The following NCOR1 variants were observed in gnomAD, a reference collection of about 807,000 sequenced individuals.
NCOR1 encodes the protein nuclear receptor corepressor 1, also known as protein phosphatase 1, regulatory subunit 109.
NCOR1 carries 63 observed loss-of-function variants against 288.1 expected under a neutral mutation model. The observed-to-expected ratio is 0.22, with a 90% CI of 0.18 to 0.27. NCOR1 has a LOEUF of 0.27. NCOR1 is among the 10% of genes least tolerant of loss of function. NCOR1 has a pLI of 1.00. For synonymous variants in NCOR1, 1,007 were observed against 1,065.9 expected (o/e 0.94, Z 1.08); for missense variants, 2,397 against 3,019.2 (o/e 0.79, Z 4.83).
At chr17:16,185,673 G>A (rs1313417215) in intron 3 of NCOR1, among the ~76,000 whole-genome samples, 1 of 83,768 alleles carries the variant, frequency 1.2e-5, no homozygotes, top group Admixed American at 1.9e-4. Context: ...ACAAGAGTGA[G>A]ACTCTTTCTC....
At chr17:16,112,479 T>C (rs939442916) in intron 18 of NCOR1, among the ~76,000 whole-genome samples, 1 of 152,202 alleles carries the variant, frequency 6.6e-6, no homozygotes, top group African/African-American at 2.4e-5. Flanking sequence ...TTAAAAAGTA[T>C]TAAAGGCCGC....
intron 7 of NCOR1, among the ~76,000 whole-genome samples, chr17:16,152,213 G>C (rs1355967885): frequency 1.3e-5 from 2 of 152,136 alleles, no homozygotes; most frequent in African/African-American, 4.8e-5. Flanking sequence ...GTGCAGGTTT[G>C]TTACATATGT....
At chr17:16,055,909 T>C (rs1406549977) in intron 40 of NCOR1, among the ~76,000 whole-genome samples, 4 of 152,168 alleles carry the variant, frequency 2.6e-5, no homozygotes, top group Admixed American at 6.6e-5. Context: ...AAGTCCGAGA[T>C]TTGCTTCAAA....
chr17:16,211,837 C>T (rs1240929956), intron 1 of NCOR1, among the ~76,000 whole-genome samples: 2 of 152,118 alleles, frequency 1.3e-5, no homozygotes, highest in Non-Finnish European at 2.9e-5. Flanking sequence ...GCTCCACATA[C>T]GGTTATTACT....
At chr17:16,118,691 T>C (rs2072302744) in intron 17 of NCOR1, among the ~76,000 whole-genome samples, 1 of 152,244 alleles carries the variant, frequency 6.6e-6, no homozygotes, top group African/African-American at 2.4e-5. Flanking sequence ...GTCACTCAAA[T>C]GTCAAGCTAT....
intron 1 of NCOR1, chr17:16,198,307 G>A (rs1191791534): frequency 2.1e-5 from 3 of 142,326 alleles, no homozygotes; most frequent in East Asian, 2.0e-4. Context: ...GCAGTGAGCC[G>A]AGATTGCGCC....
At chr17:16,134,430 C>CTGG (rs1491115846) in intron 14 of NCOR1, among the ~76,000 whole-genome samples, 6 of 151,970 alleles carry the variant, frequency 3.9e-5, no homozygotes, top group Non-Finnish European at 7.4e-5. Context: ...CTGAGCCTAC[C>CTGG]TGGGGGTAAG....
chr17:16,133,554 T>C (rs1044637115), intron 14 of NCOR1, among the ~76,000 whole-genome samples: 1 of 152,206 alleles, frequency 6.6e-6, no homozygotes, highest in Admixed American at 6.5e-5. Flanking sequence ...ACATAGATTT[T>C]GAAAATCTTA....
At chr17:16,113,924 C>A (rs1401117246) in intron 18 of NCOR1, among the ~76,000 whole-genome samples, 1 of 151,658 alleles carries the variant, frequency 6.6e-6, no homozygotes, top group African/African-American at 2.4e-5. Flanking sequence ...AAATCTGTAA[C>A]CTATCTTACG....
At chr17:16,105,968 C>T (rs956675731) in intron 19 of NCOR1, among the ~76,000 whole-genome samples, 1 of 152,088 alleles carries the variant, frequency 6.6e-6, no homozygotes, top group Non-Finnish European at 1.5e-5. Flanking sequence ...GGCGTGGTGG[C>T]AAGTGCCTAT....
intron 21 of NCOR1, among the ~76,000 whole-genome samples, chr17:16,095,532 G>A (rs2066355804): frequency 7.2e-6 from 1 of 139,276 alleles, no homozygotes; most frequent in South Asian, 2.4e-4. Context: ...CATCCGGGAG[G>A]GAGGTTGGGG....
Position 16,039,470 on chromosome 17 carries a change from C to G in NCOR1, c.6918G>C (p.Glu2306Asp). Residue 2306 changes from glutamate to aspartate, a missense_variant, in exon 44 of 46, where the codon GAG (glutamate) becomes GAC (aspartate). Physicochemically the swap from Glu to Asp is conservative, Grantham distance 45. Transcript: ENST00000268712. Reference protein sequence around the residue: ...TANTSVVTSGETRREEGDPSP... With the variant: ...TANTSVVTSGDTRREEGDPSP... Reference sequence around the variant, plus strand: ...ATGGGTCCCCTTCCTCTCTTCGTGTCTCACCACTGGTCACAACTGAGGTGT... The same window carrying G: ...ATGGGTCCCCTTCCTCTCTTCGTGTGTCACCACTGGTCACAACTGAGGTGT... 1.9e-6 allele frequency: 3 copies of G among 1,614,124 alleles called. No homozygotes were observed. The highest frequency in any genetic ancestry group is 1.1e-5 in the South Asian group (1 of 91,070).
At position 16,149,537 on chromosome 17, in the gene NCOR1, T is replaced by C. The variant is rs2153368722; in HGVS notation, c.843-20A>G. On this transcript the variant is annotated intron_variant, in intron 8 of 45. Coordinates refer to ENST00000268712, the MANE Select transcript of NCOR1 (RefSeq NM_006311.4). ...TGGTTTCTAGAAGAGAAAAATATGGTTGCATGACATTAAGAAAAAGCACAA... is the reference window on the plus strand; with the variant it reads ...TGGTTTCTAGAAGAGAAAAATATGGCTGCATGACATTAAGAAAAAGCACAA... 2 of 1,277,472 alleles carry C rather than the reference T, an allele frequency of 1.6e-6. No homozygotes were observed. Among genetic ancestry groups the C allele is most frequent in the African/African-American group, 1.5e-5 (1 of 65,878 alleles). The allele number at this position is 1,277,472 out of a possible 1,614,324, so 79.1% of individuals were successfully genotyped here.
At chr17:16,138,125 C>T in intron 13 of NCOR1, 33 bp downstream of exon 13, 1 of 1,578,136 alleles carries the variant, frequency 6.3e-7, no homozygotes, top group Non-Finnish European at 8.7e-7. Flanking sequence ...CATCACAAAC[C>T]TACAAACACT....
intron 15 of NCOR1, 130 bp from the exon 16 acceptor site, chr17:16,121,399 AT>A (rs1489240542): frequency 5.6e-6 from 4 of 718,588 alleles, no homozygotes; most frequent in Non-Finnish European, 8.5e-6. Context: ...AAAAAAAAAA[AT>A]TATCAACAAT....
At chr17:16,074,007 G>A (rs2062074682) in intron 27 of NCOR1, among the ~76,000 whole-genome samples, 1 of 152,180 alleles carries the variant, frequency 6.6e-6, no homozygotes, top group Non-Finnish European at 1.5e-5. Flanking sequence ...AAAGGTAATA[G>A]GAGGAAAAAG....
chr17:16,196,255 T>G (rs2089769140), intron 1 of NCOR1, among the ~76,000 whole-genome samples: 1 of 151,818 alleles, frequency 6.6e-6, no homozygotes, highest in African/African-American at 2.4e-5. Flanking sequence ...GAGGGCAAAT[T>G]CGAAAAATAA....
intron 35 of NCOR1, 27 bp downstream of exon 35, chr17:16,064,041 A>G (rs369723390): frequency 8.1e-5 from 131 of 1,612,606 alleles, no homozygotes; most frequent in Non-Finnish European, 1.1e-4. Flanking sequence ...GTGTCCAGAG[A>G]ATGGAAGAGC....
At chr17:16,108,571 C>A (rs185223923) in intron 19 of NCOR1, among the ~76,000 whole-genome samples, 4 of 152,292 alleles carry the variant, frequency 2.6e-5, no homozygotes, top group Non-Finnish European at 5.9e-5. Flanking sequence ...TGAAGCAGGA[C>A]TGCCATTTCC....
Sources: allele counts gnomAD v4.1 joint callset (sites outside exome capture counted in the v4.1 genomes callset), GRCh38; gene constraint gnomAD v4.1.1; transcripts MANE v1.5; gene names NCBI Gene and HGNC (gene_info 2026-07-23, HGNC 2026-07-21).